SNX24: variants seen among roughly 807,000 people sequenced by gnomAD.
The protein encoded by SNX24 is sorting nexin-24.
A neutral mutation model predicts 28.7 loss-of-function variants in SNX24; 22 were observed. That is an observed-to-expected ratio of 0.77 (90% CI 0.55 to 1.10). The LOEUF is 1.10. Ranked by LOEUF, SNX24 falls within the 50% of genes least tolerant of loss-of-function variation. SNX24 has a pLI of 0.00. For synonymous variants in SNX24, 69 were observed against 71.5 expected (o/e 0.96, Z 0.18); for missense variants, 221 against 201.1 (o/e 1.10, Z -0.60).
In SNX24 at chr5:122,922,748, C is replaced by T. The variant is rs1233875101; in HGVS notation, c.61-13986C>T. Among the ~76,000 whole-genome samples the T allele has an allele frequency of 4.6e-5, 7 of 152,270 alleles. No homozygotes were observed. In the East Asian group the frequency reaches 1.4e-3, roughly 29 times the overall value. On this transcript the variant is annotated intron_variant, in intron 1 of 6. Transcript: ENST00000261369. Reference sequence around the variant, plus strand: ...TTACTCGGCTTTATTCTCCCCCTTCCCCATGCCAGGTAATCGCTTTCTAAA... The same window carrying T: ...TTACTCGGCTTTATTCTCCCCCTTCTCCATGCCAGGTAATCGCTTTCTAAA...
intron 1 of SNX24, among the ~76,000 whole-genome samples, chr5:122,864,665 G>A (rs1175780795): frequency 6.6e-6 from 1 of 152,156 alleles, no homozygotes; most frequent in African/African-American, 2.4e-5. Context: ...CCTGGGTGGG[G>A]GCCACAAGAT....
chr5:122,943,004 GTT>G (rs1382881068), intron 2 of SNX24, among the ~76,000 whole-genome samples: 1 of 152,114 alleles, frequency 6.6e-6, no homozygotes, highest in African/African-American at 2.4e-5. Flanking sequence ...TGAAATATAT[GTT>G]GTGATTCAAT....
At chr5:122,933,506 C>G (rs1025418475) in intron 1 of SNX24, among the ~76,000 whole-genome samples, 1 of 152,256 alleles carries the variant, frequency 6.6e-6, no homozygotes, top group African/African-American at 2.4e-5. Context: ...TGCGTAGCTT[C>G]TCTCTGGGCA....
intron 1 of SNX24, among the ~76,000 whole-genome samples, chr5:122,917,907 C>T (rs1993876): frequency 0.37 from 55,583 of 151,542 alleles, 10,986 homozygotes; most frequent in African/African-American, 0.49. Context: ...GGTGAAACCC[C>T]GTCTCTACTA....
chr5:122,933,035 T>G (rs1002535310), intron 1 of SNX24, among the ~76,000 whole-genome samples: 3 of 152,162 alleles, frequency 2.0e-5, no homozygotes, highest in Non-Finnish European at 4.4e-5. Flanking sequence ...TTTTACCTTG[T>G]TGGGTTCTAG....
At chr5:122,934,463 G>A (rs1431211721) in intron 1 of SNX24, among the ~76,000 whole-genome samples, 1 of 152,022 alleles carries the variant, frequency 6.6e-6, no homozygotes, top group Non-Finnish European at 1.5e-5. Flanking sequence ...AGGTTCAAGC[G>A]ATTCTCATGC....
At chr5:122,991,444 GT>G (rs1326133230) in intron 3 of SNX24, among the ~76,000 whole-genome samples, 1 of 152,030 alleles carries the variant, frequency 6.6e-6, no homozygotes, top group Non-Finnish European at 1.5e-5. Flanking sequence ...AGATCCTTTT[GT>G]TTTTTGTTTT....
chr5:122,971,693 G>A (rs1037012062), intron 3 of SNX24, among the ~76,000 whole-genome samples: 2 of 152,140 alleles, frequency 1.3e-5, no homozygotes, highest in African/African-American at 4.8e-5. Flanking sequence ...ATAAAATGAA[G>A]ATATTTTCTT....
At chr5:122,899,935 T>C (rs1757361351) in intron 1 of SNX24, among the ~76,000 whole-genome samples, 1 of 152,216 alleles carries the variant, frequency 6.6e-6, no homozygotes. Context: ...TTTAAAAATC[T>C]TGATCTCTCC....
intron 4 of SNX24, 85 bp downstream of exon 4, chr5:123,000,091 C>A: frequency 1.1e-6 from 1 of 911,432 alleles, no homozygotes; most frequent in Non-Finnish European, 1.8e-6. Context: ...CAGAGTGATG[C>A]CCGAGTAGCC....
chr5:122,980,217 G>T (rs144163012), intron 3 of SNX24, among the ~76,000 whole-genome samples: 1 of 152,062 alleles, frequency 6.6e-6, no homozygotes, highest in East Asian at 1.9e-4. Flanking sequence ...TTAAATATAA[G>T]TAACAAAAAA....
chr5:123,009,344 A>G (rs1762515221), downstream of SNX24: 1 of 376,012 alleles, frequency 2.7e-6, no homozygotes, highest in Admixed American at 6.4e-5. Context: ...GATAAGATAA[A>G]TTATTATAAT....
intron 1 of SNX24, among the ~76,000 whole-genome samples, chr5:122,880,772 G>C (rs1346920538): frequency 6.6e-6 from 1 of 152,180 alleles, no homozygotes; most frequent in East Asian, 1.9e-4. Context: ...ATTATTTGTA[G>C]CTTGTCAAGT....
chr5:122,895,970 G>A (rs909909723), intron 1 of SNX24, among the ~76,000 whole-genome samples: 19 of 151,846 alleles, frequency 1.3e-4, no homozygotes, highest in Admixed American at 2.6e-4. Flanking sequence ...CCAACATGGT[G>A]AAACCCCATC....
At chr5:122,910,867 G>A (rs924439113) in intron 1 of SNX24, among the ~76,000 whole-genome samples, 19 of 151,970 alleles carry the variant, frequency 1.3e-4, no homozygotes, top group South Asian at 6.2e-4. Context: ...CCAGTGTATC[G>A]TTGTTGGACA....
chr5:122,845,787 G>T, intron 1 of SNX24, 94 bp downstream of exon 1: 1 of 682,172 alleles, frequency 1.5e-6, no homozygotes. Context: ...CCTTGGCGCA[G>T]GGGGTCCCCT....
At chr5:122,928,337 C>G (rs1041243564) in intron 1 of SNX24, among the ~76,000 whole-genome samples, 3 of 152,066 alleles carry the variant, frequency 2.0e-5, no homozygotes, top group Admixed American at 2.0e-4. Context: ...CACCATAATC[C>G]CCAGAACCTC....
intron 1 of SNX24, among the ~76,000 whole-genome samples, chr5:122,896,416 T>C (rs1266313381): frequency 1.3e-5 from 2 of 152,224 alleles, no homozygotes; most frequent in Non-Finnish European, 2.9e-5. Context: ...CACATGTTCA[T>C]GTCATTCTCT....
intron 1 of SNX24, among the ~76,000 whole-genome samples, chr5:122,879,285 A>C (rs1191449013): frequency 6.6e-6 from 1 of 152,222 alleles, no homozygotes; most frequent in Non-Finnish European, 1.5e-5. Flanking sequence ...AGGCAGATTT[A>C]GAGAATAGGA....
Sources: gnomAD v4.1 joint callset for allele counts (sites outside exome capture counted in the v4.1 genomes callset) on GRCh38, gnomAD v4.1.1 for gene constraint, MANE v1.5 for transcripts, NCBI Gene and HGNC (gene_info 2026-07-23, HGNC 2026-07-21) for gene names.